CPA3: variants seen among roughly 807,000 people sequenced by gnomAD.
The protein encoded by CPA3 is mast cell carboxypeptidase A.
In CPA3, 52 loss-of-function variants were observed where a neutral mutation model predicts 55.8. The ratio of observed to expected loss-of-function variants is 0.93; its 90% CI spans 0.75 to 1.17. The LOEUF (loss-of-function observed/expected upper bound fraction) is 1.17. CPA3 is among the 50% of genes most tolerant of loss of function. CPA3 has a pLI of 0.00. For missense variants in CPA3, 547 were observed against 509.1 expected (o/e 1.07, Z -0.72); for synonymous variants, 179 against 171.2 (o/e 1.05, Z -0.36).
In CPA3 at chr3:148,872,092, T is replaced by G. The variant is rs375926834; in HGVS notation, c.269+3053T>G. Among the ~76,000 whole-genome samples the G allele has an allele frequency of 3.3e-5, 5 of 152,236 alleles. No individual in the cohort carries two copies. The East Asian group carries it at 7.7e-4, about 23-fold the overall frequency. ...TTTAAAGCATCTGTGTGGTTTTTCT[T>G]TAATTTTTAGAAAATTAAGTTAGTA... On this transcript the variant is annotated intron_variant, in intron 3 of 10. Transcript: ENST00000296046.
chr3:148,868,790 G>T, intron 2 of CPA3, 125 bp from the exon 3 acceptor site: 1 of 987,350 alleles, frequency 1.0e-6, no homozygotes, highest in Non-Finnish European at 1.4e-6. Context: ...TTAAAAGAAG[G>T]GTCTGTATCT....
chr3:148,887,244 G>A (rs1306086112), intron 10 of CPA3, among the ~76,000 whole-genome samples: 1 of 152,168 alleles, frequency 6.6e-6, no homozygotes, highest in Admixed American at 6.5e-5. Flanking sequence ...CAGCAAATGG[G>A]TGACTATGTG....
chr3:148,886,458 A>G (rs1714532289), intron 10 of CPA3, among the ~76,000 whole-genome samples: 1 of 152,080 alleles, frequency 6.6e-6, no homozygotes, highest in African/African-American at 2.4e-5. Flanking sequence ...TACTTTATCT[A>G]CCTTCCTGTT....
chr3:148,879,658 G>A, intron 5 of CPA3, 130 bp from the exon 6 acceptor site: 2 of 642,672 alleles, frequency 3.1e-6, no homozygotes, highest in Non-Finnish European at 5.7e-6. Flanking sequence ...AACAATATGT[G>A]CATACATGGT....
At chr3:148,876,382 T>C (rs1714205939) in intron 3 of CPA3, among the ~76,000 whole-genome samples, 1 of 137,228 alleles carries the variant, frequency 7.3e-6, no homozygotes, top group South Asian at 2.2e-4. Context: ...TGATAAGACA[T>C]TTTTTTTTTT....
Position 148,883,809 on chromosome 3 carries a change from G to A in CPA3, c.975G>A (p.Glu325=), listed in dbSNP as rs140411214. 7.6e-4 allele frequency: 1,220 copies of A among 1,613,052 alleles called. 2 individuals carry two copies. The African/African-American group carries it at 0.015, about 19-fold the overall frequency. The change falls in exon 9 of 11, where the codon GAG becomes GAA. Residue 325 remains glutamate, a synonymous_variant. Coordinates refer to ENST00000296046, the MANE Select transcript of CPA3 (RefSeq NM_001870.4). ...GYTSKLPPNH[E]DLAKVAKIGT... ...CATCAAAACTGCCACCTAACCATGA[G>A]GACTTGGTACGTAGACAAAAGTTTG...
At chr3:148,892,611 C>T (rs948162582) in intron 10 of CPA3, among the ~76,000 whole-genome samples, 102 of 151,732 alleles carry the variant, frequency 6.7e-4, no homozygotes, top group Middle Eastern at 3.4e-3. Context: ...TGAAATCGTA[C>T]CACTCCACTT....
At chr3:148,872,047 G>T (rs1714080733) in intron 3 of CPA3, among the ~76,000 whole-genome samples, 1 of 149,682 alleles carries the variant, frequency 6.7e-6, no homozygotes, top group African/African-American at 2.6e-5. Context: ...ATTAGACAGG[G>T]TATATCAACT....
chr3:148,878,718 T>C lies in CPA3; in HGVS notation c.444T>C (p.Thr148=), dbSNP rs200383775. The change falls in exon 5 of 11, where the codon ACT becomes ACC. Residue 148 remains threonine (T), a synonymous_variant. Coordinates refer to ENST00000296046, the MANE Select transcript of CPA3 (RefSeq NM_001870.4). ...EMVSRIKIGS[T]VEDNPLYVLK... ...TCTCTCGTATTAAAATTGGATCTAC[T>C]GTTGAAGATAATCCACTATATGTTC... 2 of 1,606,362 alleles carry C rather than the reference T, an allele frequency of 1.2e-6. No homozygotes were observed. Among genetic ancestry groups the C allele is most frequent in the Admixed American group, 1.7e-5 (1 of 59,812 alleles).
chr3:148,896,416 C>T (rs1714829960), intron 10 of CPA3, 104 bp from the exon 11 acceptor site: 3 of 918,406 alleles, frequency 3.3e-6, no homozygotes, highest in Non-Finnish European at 4.8e-6. Context: ...CAATTAACTG[C>T]ACACATAACT....
At position 148,896,664 on chromosome 3, in the gene CPA3, C is replaced by A; in HGVS notation, c.1211C>A (p.Ala404Asp). The A allele has an allele frequency of 1.3e-6, 2 of 1,560,480 alleles. No homozygotes were observed. Among genetic ancestry groups the A allele is most frequent in the Non-Finnish European group, 1.8e-6 (2 of 1,139,674 alleles). The change falls in exon 11 of 11, where the codon GCT (alanine) becomes GAT (aspartate). Residue 404 changes from alanine to aspartate, a missense_variant. Coordinates refer to ENST00000296046, the MANE Select transcript of CPA3 (RefSeq NM_001870.4). The stretch of plus-strand genomic sequence containing the variant: ...CCAACGTGCAGAGAGACCATGCTAG[C>A]TGTCAAATTTATTGCCAAGTATATC... Reference protein sequence around the residue: ...IKPTCRETMLAVKFIAKYILK... With the variant: ...IKPTCRETMLDVKFIAKYILK...
At chr3:148,882,638 T>A (rs1473410469) in intron 8 of CPA3, 43 bp downstream of exon 8, 1 of 1,509,072 alleles carries the variant, frequency 6.6e-7, no homozygotes, top group Admixed American at 1.7e-5. Context: ...CTATAAGGAA[T>A]ATTTAGGTCC....
chr3:148,884,067 A>G (rs1241163943), intron 9 of CPA3, among the ~76,000 whole-genome samples: 2 of 152,226 alleles, frequency 1.3e-5, no homozygotes, highest in African/African-American at 2.4e-5. Context: ...TAGGAAAGGC[A>G]TAATAGAAGT....
chr3:148,878,641 C>G lies in CPA3; in HGVS notation c.373-6C>G, dbSNP rs1714276366. ...CTAATTTCTCAAAATTGATTTTGCT[C>G]TTAAGATTGTGGCTTGGACTGAAAA... On this transcript the variant is annotated splice_region_variant and splice_polypyrimidine_tract_variant and intron_variant, in intron 4 of 10. Coordinates refer to ENST00000296046, the MANE Select transcript of CPA3 (RefSeq NM_001870.4). The G allele has an allele frequency of 3.1e-6, 5 of 1,599,392 alleles. No homozygotes were observed. Among genetic ancestry groups the G allele is most frequent in the South Asian group, 2.3e-5 (2 of 88,760 alleles).
Position 148,873,818 on chromosome 3 carries a change from T to C in CPA3, c.270-4623T>C, listed in dbSNP as rs1409300163. ...TGATAATGGTACCCAGTTAATCATG[T>C]TGAGTGATAAAATGTAAATACAGTG... is the stretch of plus-strand genomic sequence containing the variant. On this transcript the variant is annotated intron_variant, in intron 3 of 10. Coordinates refer to ENST00000296046, the MANE Select transcript of CPA3 (RefSeq NM_001870.4). Among the ~76,000 whole-genome samples, 7 of 152,300 alleles carry C rather than the reference T, an allele frequency of 4.6e-5. No homozygotes were observed. The South Asian group carries it at 1.2e-3, about 27-fold the overall frequency.
At position 148,878,656 on chromosome 3, in the gene CPA3, T is replaced by C. The variant is rs764428082; in HGVS notation, c.382T>C (p.Trp128Arg). 1 of 1,609,118 alleles carries C rather than the reference T, an allele frequency of 6.2e-7. No individual in the cohort carries two copies. Among genetic ancestry groups the C allele is most frequent in the South Asian group, 1.1e-5 (1 of 90,012 alleles). The change falls in exon 5 of 11, where the codon TGG (tryptophan) becomes CGG (arginine). Residue 128 changes from tryptophan (W) to arginine (R), a missense_variant. Trp to Arg is a moderately radical substitution (Grantham distance 101). Coordinates refer to ENST00000296046, the MANE Select transcript of CPA3 (RefSeq NM_001870.4). ...KYNNWEKIVA[W>R]TEKMMDKYPE... ...TGATTTTGCTCTTAAGATTGTGGCT[T>C]GGACTGAAAAGATGATGGATAAGTA... is the stretch of plus-strand genomic sequence containing the variant.
intron 3 of CPA3, among the ~76,000 whole-genome samples, chr3:148,874,132 C>G (rs1487386364): frequency 6.6e-6 from 1 of 152,170 alleles, no homozygotes. Flanking sequence ...CAATCTGGCA[C>G]CGTTCTGATG....
intron 3 of CPA3, among the ~76,000 whole-genome samples, chr3:148,873,215 G>A (rs1203879514): frequency 6.6e-6 from 1 of 152,204 alleles, no homozygotes; most frequent in Non-Finnish European, 1.5e-5. Flanking sequence ...TTACCAGGGG[G>A]ATATTGAATC....
At chr3:148,871,160 C>T (rs1274086118) in intron 3 of CPA3, among the ~76,000 whole-genome samples, 1 of 152,072 alleles carries the variant, frequency 6.6e-6, no homozygotes, top group South Asian at 2.1e-4. Flanking sequence ...GCCTAGCCAC[C>T]GCACCAGGCC....
Sources: gnomAD v4.1 joint callset for allele counts (sites outside exome capture counted in the v4.1 genomes callset) on GRCh38, gnomAD v4.1.1 for gene constraint, MANE v1.5 for transcripts, NCBI Gene and HGNC (gene_info 2026-07-23, HGNC 2026-07-21) for gene names.